Variants in AFDN observed in about 807,000 individuals in gnomAD.
AFDN encodes the protein afadin, adherens junction formation factor, also known as afadin.
In AFDN, 68 loss-of-function variants were observed where a neutral mutation model predicts 216.6. The ratio of observed to expected loss-of-function variants is 0.31; its 90% CI spans 0.26 to 0.38. The LOEUF (loss-of-function observed/expected upper bound fraction) is 0.38. Among genes scored for constraint, AFDN ranks in the 10% least tolerant of loss-of-function variants. The pLI, the probability that AFDN is intolerant of heterozygous loss-of-function variation, is 1.00. For synonymous variants in AFDN, 868 were observed against 853.7 expected (o/e 1.02, Z -0.29); for missense variants, 2,136 against 2,342.0 (o/e 0.91, Z 1.82).
intron 4 of AFDN, among the ~76,000 whole-genome samples, chr6:167,873,601 CAT>C (rs1423440730): frequency 2.0e-5 from 3 of 152,178 alleles, no homozygotes; most frequent in South Asian, 2.1e-4. Flanking sequence ...CAGATACTCT[CAT>C]GTGTTCTGAA....
At chr6:167,927,513 A>G (rs969831821) in intron 23 of AFDN, among the ~76,000 whole-genome samples, 3 of 152,188 alleles carry the variant, frequency 2.0e-5, no homozygotes, top group African/African-American at 7.2e-5. Flanking sequence ...TGAAACTGAC[A>G]TTTTAGGAGG....
At chr6:167,943,866 T>C (rs1182415531) in intron 25 of AFDN, 75 bp from the exon 26 acceptor site, 2 of 1,237,620 alleles carry the variant, frequency 1.6e-6, no homozygotes, top group African/African-American at 3.0e-5. Flanking sequence ...TTTCCATTGC[T>C]ATAATCACAG....
At chr6:167,902,248 A>C (rs974612604) in intron 11 of AFDN, 69 bp from the exon 12 acceptor site, 2 of 1,147,310 alleles carry the variant, frequency 1.7e-6, no homozygotes, top group African/African-American at 3.1e-5. Flanking sequence ...TTCCTTGTGT[A>C]TTAAGAAGAG....
intron 30 of AFDN, among the ~76,000 whole-genome samples, chr6:167,956,213 C>G (rs1367644336): frequency 2.0e-5 from 3 of 151,378 alleles, no homozygotes; most frequent in African/African-American, 7.3e-5. Flanking sequence ...TATTAGCCCT[C>G]TCCTTAATAA....
chr6:167,913,299 G>A, intron 15 of AFDN, 104 bp from the exon 16 acceptor site: 2 of 1,100,308 alleles, frequency 1.8e-6, no homozygotes, highest in Admixed American at 4.0e-5. Flanking sequence ...GTACCTTCAT[G>A]TCGTACCTTC....
At chr6:167,904,649 T>C (rs956283881) in intron 12 of AFDN, among the ~76,000 whole-genome samples, 1 of 152,164 alleles carries the variant, frequency 6.6e-6, no homozygotes, top group African/African-American at 2.4e-5. Flanking sequence ...TAGAAGACAA[T>C]ACTACCATCT....
At chr6:167,918,970 C>T (rs557638337) in intron 21 of AFDN, 37 bp downstream of exon 21, 30 of 1,563,456 alleles carry the variant, frequency 1.9e-5, no homozygotes, top group Admixed American at 6.9e-5. Context: ...GAGCTACGCC[C>T]CAGGTTGAAG....
intron 4 of AFDN, among the ~76,000 whole-genome samples, chr6:167,874,046 G>A (rs1458329406): frequency 6.6e-6 from 1 of 152,190 alleles, no homozygotes; most frequent in Non-Finnish European, 1.5e-5. Flanking sequence ...AGAAAAAAAT[G>A]TACAAAGATA....
chr6:167,872,355 A>G lies in AFDN; in HGVS notation c.556A>G (p.Arg186Gly). 6.2e-7 allele frequency: 1 copy of G among 1,611,486 alleles called. No individual in the cohort carries two copies. The part of the protein sequence containing the change: ...ALRQASDKDD[R>G]PFQGEDVENS... ...GCGACAGGCATCTGATAAAGATGAT[A>G]GACCTTTCCAAGGGGAGGATGTGTA... The change falls in exon 4 of 34, where the codon AGA becomes GGA. Residue 186 changes from arginine to glycine, a missense_variant. By Grantham distance (125) the Arg-to-Gly change is moderately radical (BLOSUM62 -2). Coordinates refer to ENST00000683244, the MANE Select transcript of AFDN (RefSeq NM_001386888.1).
chr6:167,847,559 G>A (rs1438721188), intron 1 of AFDN, among the ~76,000 whole-genome samples: 1 of 152,122 alleles, frequency 6.6e-6, no homozygotes, highest in Non-Finnish European at 1.5e-5. Flanking sequence ...CCACAGCCTG[G>A]CATTCTTCTG....
chr6:167,826,702 A>G, upstream of AFDN: 3 of 431,940 alleles, frequency 6.9e-6, no homozygotes, highest in South Asian at 1.7e-5. Flanking sequence ...GTTGGGACCC[A>G]CCACCGCCAG....
intron 31 of AFDN, chr6:167,963,887 C>T (rs1392394527): frequency 1.7e-5 from 18 of 1,064,390 alleles, no homozygotes; most frequent in Middle Eastern, 8.4e-4. Flanking sequence ...TCCATGAAAG[C>T]GCTCCCTGGC....
chr6:167,873,361 A>G (rs1180184696), intron 4 of AFDN, among the ~76,000 whole-genome samples: 1 of 152,164 alleles, frequency 6.6e-6, no homozygotes, highest in Non-Finnish European at 1.5e-5. Flanking sequence ...TTTTCCACTA[A>G]GATGTTTATA....
At chr6:167,934,634 G>A (rs1286955858) in intron 23 of AFDN, among the ~76,000 whole-genome samples, 2 of 152,002 alleles carry the variant, frequency 1.3e-5, no homozygotes, top group African/African-American at 4.8e-5. Flanking sequence ...CCCAGGCTAG[G>A]TTTTCTTACC....
At chr6:167,932,030 T>C (rs893378964) in intron 23 of AFDN, among the ~76,000 whole-genome samples, 1 of 152,228 alleles carries the variant, frequency 6.6e-6, no homozygotes, top group African/African-American at 2.4e-5. Context: ...GTGTCAGGCA[T>C]GTTGAGCCTG....
At chr6:167,838,098 A>G (rs1179472890) in intron 1 of AFDN, among the ~76,000 whole-genome samples, 1 of 152,166 alleles carries the variant, frequency 6.6e-6, no homozygotes, top group Non-Finnish European at 1.5e-5. Flanking sequence ...CACATGCCAT[A>G]TTTTATTTTG....
chr6:167,886,826 G>T (rs1229778881), intron 6 of AFDN, among the ~76,000 whole-genome samples: 4 of 151,928 alleles, frequency 2.6e-5, no homozygotes, highest in Admixed American at 1.3e-4. Context: ...AACACTGAGG[G>T]CAGGAACTTG....
intron 1 of AFDN, among the ~76,000 whole-genome samples, chr6:167,844,872 G>GTTTTTTTTTTTTTTTT (rs1289118837): frequency 1.5e-5 from 2 of 137,402 alleles, no homozygotes; most frequent in African/African-American, 5.4e-5. Context: ...TTTTTTTTTG[G>GTTTTTTTTTTTTTTTT]TTTTTGAGAC....
intron 1 of AFDN, among the ~76,000 whole-genome samples, chr6:167,856,460 A>G (rs1052187310): frequency 6.6e-6 from 1 of 152,108 alleles, no homozygotes; most frequent in Admixed American, 6.6e-5. Flanking sequence ...AAAGTGAAGT[A>G]TAATTCTTTA....
Sources: gnomAD v4.1 joint callset for allele counts (sites outside exome capture counted in the v4.1 genomes callset) on GRCh38, gnomAD v4.1.1 for gene constraint, MANE v1.5 for transcripts, NCBI Gene and HGNC (gene_info 2026-07-23, HGNC 2026-07-21) for gene names.